The following CHLSN variants were observed in gnomAD, a reference collection of about 807,000 sequenced individuals.
The protein encoded by CHLSN is cholesin.
chr7:1,129,682 C>T, the CHLSN span, among the ~76,000 whole-genome samples: 1 of 152,182 alleles, frequency 6.6e-6, no homozygotes, highest in Admixed American at 6.5e-5. Flanking sequence ...TGGTTCCAGC[C>T]ATCCTCCGCC....
At chr7:1,089,501 C>A in the CHLSN span, among the ~76,000 whole-genome samples, 2,546 of 151,434 alleles carry the variant, frequency 0.017, 92 homozygotes, top group East Asian at 0.17. Flanking sequence ...TCACTGCAAC[C>A]TCTACCTGCC....
the CHLSN span, among the ~76,000 whole-genome samples, chr7:1,133,031 C>T: frequency 7.2e-5 from 11 of 152,224 alleles, no homozygotes; most frequent in Admixed American, 2.0e-4. Context: ...AAACAACCTC[C>T]GTGTCTGTGC....
chr7:1,115,296 GC>G, the CHLSN span, among the ~76,000 whole-genome samples: 2 of 152,226 alleles, frequency 1.3e-5, no homozygotes, highest in Non-Finnish European at 2.9e-5. Flanking sequence ...ATGAGAAACG[GC>G]CCCGGCCCTG....
chr7:1,080,393 A>G, the CHLSN span, among the ~76,000 whole-genome samples: 1 of 152,210 alleles, frequency 6.6e-6, no homozygotes, highest in Non-Finnish European at 1.5e-5. Context: ...ACGACGTGAC[A>G]CACCATCTCA....
chr7:1,112,559 A>G, the CHLSN span, among the ~76,000 whole-genome samples: 3 of 152,200 alleles, frequency 2.0e-5, no homozygotes, highest in African/African-American at 7.2e-5. Context: ...AGTCCCACGG[A>G]ACCTGGCAGC....
chr7:1,065,694 T>C, the CHLSN span, among the ~76,000 whole-genome samples: 1 of 152,190 alleles, frequency 6.6e-6, no homozygotes, highest in African/African-American at 2.4e-5. Context: ...GCGGTCTCCC[T>C]TGCCGGGGTG....
At chr7:1,010,238 A>T in the CHLSN span, 12 of 1,141,794 alleles carry the variant, frequency 1.1e-5, no homozygotes, top group Non-Finnish European at 1.3e-5. Context: ...TCACCTCAGT[A>T]GTGGCCAAAA....
the CHLSN span, among the ~76,000 whole-genome samples, chr7:1,111,236 AAAAT>A: frequency 2.0e-5 from 3 of 152,386 alleles, no homozygotes; most frequent in African/African-American, 2.4e-5. Flanking sequence ...TTTGCTATTT[AAAAT>A]AAATAAATAA....
the CHLSN span, among the ~76,000 whole-genome samples, chr7:1,086,474 CCACG>C: frequency 2.6e-5 from 4 of 152,190 alleles, no homozygotes; most frequent in Non-Finnish European, 5.9e-5. Context: ...GAAGAAAACT[CCACG>C]TTAGTATTTT....
At chr7:1,016,441 G>T in the CHLSN span, among the ~76,000 whole-genome samples, 1 of 84,734 alleles carries the variant, frequency 1.2e-5, no homozygotes, top group African/African-American at 5.2e-5. Flanking sequence ...AGCAGCGCAC[G>T]CCAGCACACA....
the CHLSN span, among the ~76,000 whole-genome samples, chr7:1,019,523 C>T: frequency 9.8e-5 from 15 of 152,340 alleles, no homozygotes; most frequent in African/African-American, 3.6e-4. Context: ...GTCCTCACTG[C>T]AGCACCCGGG....
the CHLSN span, among the ~76,000 whole-genome samples, chr7:991,334 G>A: frequency 2.0e-5 from 3 of 152,174 alleles, no homozygotes; most frequent in Non-Finnish European, 4.4e-5. Flanking sequence ...GCTCCTCCAC[G>A]GGGTACAGCC....
At chr7:1,034,969 T>C in the CHLSN span, among the ~76,000 whole-genome samples, 10 of 152,250 alleles carry the variant, frequency 6.6e-5, no homozygotes, top group African/African-American at 2.4e-4. Flanking sequence ...CCAGAAGACA[T>C]GATCTCACTC....
At chr7:995,364 G>A in the CHLSN span, among the ~76,000 whole-genome samples, 189 of 152,330 alleles carry the variant, frequency 1.2e-3, 1 homozygote, top group African/African-American at 4.0e-3. Flanking sequence ...CTCCCCAGCC[G>A]GTGTCAGGGG....
At chr7:986,128 G>A in the CHLSN span, among the ~76,000 whole-genome samples, 10 of 152,132 alleles carry the variant, frequency 6.6e-5, no homozygotes, top group East Asian at 3.9e-4. Flanking sequence ...CAGAGACGCC[G>A]CGTGGAACTC....
At chr7:1,096,674 T>C in the CHLSN span, among the ~76,000 whole-genome samples, 6 of 152,224 alleles carry the variant, frequency 3.9e-5, no homozygotes, top group Non-Finnish European at 7.3e-5. The surrounding 1 kb of genome is among the most constrained non-coding windows in gnomAD (Gnocchi z 4.6). Context: ...AGCTCAAAAG[T>C]ACATAGCTGC....
the CHLSN span, among the ~76,000 whole-genome samples, chr7:1,098,910 G>T: frequency 6.6e-6 from 1 of 152,328 alleles, no homozygotes; most frequent in South Asian, 2.1e-4. Flanking sequence ...AGATTGTGGC[G>T]ATGGCTGCAC....
chr7:1,097,545 G>T, the CHLSN span, among the ~76,000 whole-genome samples: 2 of 152,218 alleles, frequency 1.3e-5, no homozygotes, highest in African/African-American at 4.8e-5. The surrounding 1 kb of genome is among the most constrained non-coding windows in gnomAD (Gnocchi z 4.3). Context: ...ATAAAGTGCT[G>T]GCTGGTAAAG....
the CHLSN span, among the ~76,000 whole-genome samples, chr7:1,053,792 A>T: frequency 9.9e-5 from 15 of 152,238 alleles, no homozygotes; most frequent in African/African-American, 3.1e-4. Flanking sequence ...GTGCCACTGC[A>T]CTCCAGCCTG....
Sources: gnomAD v4.1 joint callset for allele counts (sites outside exome capture counted in the v4.1 genomes callset) on GRCh38, gnomAD v4.1.1 for gene constraint, Gnocchi (gnomAD v3.1) non-coding constraint, MANE v1.5 for transcripts, NCBI Gene and HGNC (gene_info 2026-07-23, HGNC 2026-07-21) for gene names.